Variants in PRPS2 observed in about 807,000 individuals in gnomAD.
PRPS2 encodes phosphoribosyl pyrophosphate synthetase 2.
For missense variants in PRPS2, 104 were observed against 271.5 expected, an observed-to-expected ratio of 0.38 and a Z score of 4.34; for synonymous variants, 111 against 115.3, an observed-to-expected ratio of 0.96 and a Z score of 0.24.
At chrX:12,815,414 A>AC (rs1174122905) in intron 4 of PRPS2, among the ~76,000 whole-genome samples, 1 of 111,397 alleles carries the variant, frequency 9.0e-6, no homozygotes, top group African/African-American at 3.3e-5. Context: ...AACTTCCACC[A>AC]CAAAGGGCAG....
intron 2 of PRPS2, among the ~76,000 whole-genome samples, chrX:12,800,498 G>C (rs1241407203): frequency 2.7e-5 from 3 of 111,156 alleles, no homozygotes; most frequent in Non-Finnish European, 3.8e-5. Flanking sequence ...GTTTTGGGGG[G>C]ATATTGTTTG....
At chrX:12,819,765 C>T in intron 5 of PRPS2, 85 bp downstream of exon 5, 1 of 1,052,774 alleles carries the variant, frequency 9.5e-7, no homozygotes, top group Non-Finnish European at 1.3e-6. Flanking sequence ...CTCTTTTTTC[C>T]TGATTATTGC....
chrX:12,810,220 G>A lies in PRPS2; in HGVS notation c.530+74G>A, dbSNP rs989151152. On this transcript the variant is annotated intron_variant, in intron 4 of 6. Coordinates refer to ENST00000380668, the MANE Select transcript of PRPS2 (RefSeq NM_002765.5). ...TTTCCTTTTCCGATGTATTAGATAA[G>A]GAAGCATGCTGTAAATTACTTAAAG... The A allele has an allele frequency of 2.6e-6, 3 of 1,153,474 alleles. No individual in the cohort carries two copies. The African/African-American group carries it at 5.4e-5, about 21-fold the overall frequency.
chrX:12,804,140 T>C (rs1014355821), intron 2 of PRPS2, among the ~76,000 whole-genome samples: 6 of 108,866 alleles, frequency 5.5e-5, no homozygotes, highest in African/African-American at 1.0e-4. Context: ...ATTTGAGGTG[T>C]GCCTTTGCTT....
intron 2 of PRPS2, among the ~76,000 whole-genome samples, chrX:12,808,975 T>A (rs1424440482): frequency 8.9e-6 from 1 of 112,615 alleles, no homozygotes; most frequent in South Asian, 3.6e-4. Context: ...CATGTACATA[T>A]GTTTAACTGT....
At position 12,803,240 on chromosome X, in the gene PRPS2, C is replaced by T. The variant is rs747824086; in HGVS notation, c.306+3850C>T. On this transcript the variant is annotated intron_variant, in intron 2 of 6. Transcript: ENST00000380668. ...TCACTCTAATCTCTGCTGGAATCTTCGCATGGCCTCCTCTTTGTCTCCATC... is the reference window on the plus strand; with the variant it reads ...TCACTCTAATCTCTGCTGGAATCTTTGCATGGCCTCCTCTTTGTCTCCATC... Among the ~76,000 whole-genome samples, 4 of 112,060 alleles carry T rather than the reference C, an allele frequency of 3.6e-5. No individual in the cohort carries two copies. The South Asian group carries it at 1.1e-3, about 31-fold the overall frequency.
chrX:12,819,412 C>A, intron 4 of PRPS2, 95 bp from the exon 5 acceptor site: 1 of 1,000,366 alleles, frequency 1.0e-6, no homozygotes, highest in Non-Finnish European at 1.4e-6. Context: ...TGCATCATCT[C>A]TCGGGTGTGG....
chrX:12,809,971 AAAAC>A, intron 3 of PRPS2, 47 bp from the exon 4 acceptor site: 1 of 1,050,062 alleles, frequency 9.5e-7, no homozygotes, highest in African/African-American at 2.8e-5. Context: ...AAAACAAAAG[AAAAC>A]AAAACAAAAC....
intron 4 of PRPS2, among the ~76,000 whole-genome samples, chrX:12,811,650 A>C: frequency 8.9e-6 from 1 of 112,065 alleles, no homozygotes; most frequent in South Asian, 3.7e-4. Context: ...GTGACAAGTG[A>C]TCAGCCTTTG....
chrX:12,814,134 A>T (rs2284110), intron 4 of PRPS2, among the ~76,000 whole-genome samples: 17,870 of 105,626 alleles, frequency 0.17, 1,595 homozygotes, highest in East Asian at 0.52. Context: ...ATTGATTTGA[A>T]ATGGCATCTT....
intron 1 of PRPS2, among the ~76,000 whole-genome samples, chrX:12,797,557 C>A (rs2042550649): frequency 9.0e-6 from 1 of 111,342 alleles, no homozygotes; most frequent in Non-Finnish European, 1.9e-5. Flanking sequence ...GGGTACACTG[C>A]AGTTTTCTGC....
chrX:12,818,143 C>T (rs188295719), intron 4 of PRPS2, among the ~76,000 whole-genome samples: 38 of 110,193 alleles, frequency 3.4e-4, no homozygotes, highest in African/African-American at 1.2e-3. Context: ...CTGAGGTGGG[C>T]GGATCACCTG....
At chrX:12,817,357 T>A (rs2042652472) in intron 4 of PRPS2, among the ~76,000 whole-genome samples, 1 of 108,608 alleles carries the variant, frequency 9.2e-6, no homozygotes, top group South Asian at 4.0e-4. Flanking sequence ...TAAGATGGCA[T>A]GTGCTTTGAA....
At chrX:12,819,754 G>T in intron 5 of PRPS2, 74 bp downstream of exon 5, 1 of 1,107,950 alleles carries the variant, frequency 9.0e-7, no homozygotes, top group Non-Finnish European at 1.2e-6. Context: ...TAGAAATTGG[G>T]CTCTTTTTTC....
intron 4 of PRPS2, chrX:12,810,402 G>C: frequency 6.5e-6 from 2 of 305,733 alleles, no homozygotes; most frequent in Non-Finnish European, 1.1e-5. Context: ...TTCAGCAAAG[G>C]GTAGATGTGT....
intron 1 of PRPS2, 133 bp downstream of exon 1, chrX:12,791,752 A>C (rs2147212095): frequency 1.5e-6 from 1 of 652,344 alleles, no homozygotes; most frequent in Admixed American, 8.5e-5. Flanking sequence ...GACGGTGGCA[A>C]CGCGGCCTCC....
Position 12,799,366 on chromosome X carries a change from C to T in PRPS2, c.282C>T (p.Tyr94=), listed in dbSNP as rs142576262. Reference sequence around the variant, plus strand: ...CTGCCGTGATCCCGTGTTTCCCATACGCCCGACAAGATAAAAAGGACAAGG... The same window carrying T: ...CTGCCGTGATCCCGTGTTTCCCATATGCCCGACAAGATAAAAAGGACAAGG... ...RVTAVIPCFP[Y]ARQDKKDKSR... Residue 94 remains tyrosine (Y), a synonymous_variant, in exon 2 of 7, where the codon TAC becomes TAT. Transcript: ENST00000380668. 1.6e-5 allele frequency: 19 copies of T among 1,211,320 alleles called. No homozygotes were observed. The South Asian group carries it at 1.9e-4, about 12-fold the overall frequency.
chrX:12,797,719 G>A (rs2042551324), intron 1 of PRPS2, among the ~76,000 whole-genome samples: 1 of 112,211 alleles, frequency 8.9e-6, no homozygotes, highest in African/African-American at 3.2e-5. Flanking sequence ...GCTCTGGGAA[G>A]GACATGCCTG....
intron 2 of PRPS2, among the ~76,000 whole-genome samples, chrX:12,804,246 A>G (rs1366244446): frequency 1.8e-5 from 2 of 109,151 alleles, no homozygotes; most frequent in African/African-American, 3.3e-5. Flanking sequence ...GGTTCAAGCA[A>G]TTCTCCTGCC....
Sources: gnomAD v4.1 joint callset for allele counts (sites outside exome capture counted in the v4.1 genomes callset) on GRCh38, gnomAD v4.1.1 for gene constraint, MANE v1.5 for transcripts, NCBI Gene and HGNC (gene_info 2026-07-23, HGNC 2026-07-21) for gene names.